FGF14: variants seen among roughly 807,000 people sequenced by gnomAD.
FGF14 encodes fibroblast growth factor homologous factor 4.
A neutral mutation model predicts 25.5 loss-of-function variants in FGF14; 5 were observed. The ratio of observed to expected loss-of-function variants is 0.20; its 90% CI spans 0.10 to 0.41. FGF14 has a LOEUF of 0.41. FGF14 is among the 10% of genes least tolerant of loss of function. The pLI is 1.00. For missense variants in FGF14, 222 were observed against 320.1 expected, an observed-to-expected ratio of 0.69 and a Z score of 2.34; for synonymous variants, 138 against 118.3, an observed-to-expected ratio of 1.17 and a Z score of -1.08.
chr13:102,313,249 G>A (rs1315822589), intron 1 of FGF14, among the ~76,000 whole-genome samples: 1 of 152,160 alleles, frequency 6.6e-6, no homozygotes, highest in African/African-American at 2.4e-5. Context: ...ACCCAATCCT[G>A]AGCCTGGAAG....
intron 1 of FGF14, among the ~76,000 whole-genome samples, chr13:102,043,669 A>G (rs2041847380): frequency 6.6e-6 from 1 of 152,182 alleles, no homozygotes; most frequent in Non-Finnish European, 1.5e-5. Context: ...GGTAAAAGCA[A>G]ATATCTGACC....
chr13:101,906,211 C>G (rs914991527), intron 1 of FGF14, among the ~76,000 whole-genome samples: 9 of 152,146 alleles, frequency 5.9e-5, no homozygotes, highest in Non-Finnish European at 8.8e-5. Flanking sequence ...GCATGAAATT[C>G]TCTTCATGAA....
intron 1 of FGF14, among the ~76,000 whole-genome samples, chr13:102,308,315 A>T (rs966414460): frequency 1.3e-5 from 2 of 152,220 alleles, no homozygotes; most frequent in African/African-American, 4.8e-5. Context: ...TTCAATCCTG[A>T]TTACAAAAGT....
At chr13:101,746,492 G>C (rs1452845883) in intron 3 of FGF14, among the ~76,000 whole-genome samples, 3 of 152,022 alleles carry the variant, frequency 2.0e-5, no homozygotes, top group Non-Finnish European at 1.5e-5. Flanking sequence ...TAGTACTCAT[G>C]CAATGTCGAA....
At position 102,396,267 on chromosome 13, in the gene FGF14, T is replaced by G. The variant is rs118042788; in HGVS notation, c.208+5204A>C. Among the ~76,000 whole-genome samples the G allele has an allele frequency of 7.9e-5, 12 of 152,286 alleles. No individual in the cohort carries two copies. In the East Asian group the frequency reaches 2.3e-3, roughly 29 times the overall value. On this transcript the variant is annotated intron_variant, in intron 1 of 4. Transcript: ENST00000376131. The stretch of plus-strand genomic sequence containing the variant: ...TAATACTGAGTTGGGCTCAAAGGTT[T>G]TATTAAAAATAGGCACAGTGCAATG...
At position 102,011,683 on chromosome 13, in the gene FGF14, A is replaced by G. The variant is rs567049070; in HGVS notation, c.209-136387T>C. ...ACTTTTGGAAGATGCTTTGCCATAC[A>G]GGGAGTGGCAGTCTTTAGAAGAGGG... On this transcript the variant is annotated intron_variant, in intron 1 of 4. Transcript: ENST00000376131. Among the ~76,000 whole-genome samples, 15 of 152,310 alleles carry G rather than the reference A, an allele frequency of 9.8e-5. 1 individual carries two copies. The highest frequency in any genetic ancestry group is 3.6e-4 in the African/African-American group (15 of 41,578).
At chr13:102,121,075 T>C (rs1397319291) in intron 1 of FGF14, among the ~76,000 whole-genome samples, 1 of 152,326 alleles carries the variant, frequency 6.6e-6, no homozygotes, top group East Asian at 1.9e-4. Context: ...CAGGCCAGAA[T>C]GATTTCAGGA....
intron 1 of FGF14, among the ~76,000 whole-genome samples, chr13:101,929,853 C>A (rs2139232128): frequency 1.3e-5 from 2 of 152,186 alleles, no homozygotes; most frequent in Non-Finnish European, 2.9e-5. Flanking sequence ...TTGCACTTTT[C>A]CCTGACTTTT....
intron 3 of FGF14, among the ~76,000 whole-genome samples, chr13:101,781,025 G>C (rs902663297): frequency 6.6e-6 from 1 of 151,906 alleles, no homozygotes; most frequent in Non-Finnish European, 1.5e-5. Flanking sequence ...TGATCCTCGC[G>C]CTTGCTACTC....
intron 1 of FGF14, among the ~76,000 whole-genome samples, chr13:102,380,234 A>AT (rs1193706373): frequency 3.3e-5 from 5 of 150,442 alleles, no homozygotes; most frequent in African/African-American, 1.2e-4. Context: ...TGGAACTGAC[A>AT]TACATGGAAC....
intron 3 of FGF14, among the ~76,000 whole-genome samples, chr13:101,845,156 A>G (rs1400956400): frequency 6.6e-6 from 1 of 152,084 alleles, no homozygotes. Context: ...TCGGTGAAGC[A>G]AAATTTCCTG....
chr13:102,165,593 C>T (rs889600769), intron 1 of FGF14, among the ~76,000 whole-genome samples: 1 of 140,176 alleles, frequency 7.1e-6, no homozygotes, highest in African/African-American at 2.7e-5. Flanking sequence ...CGAATTCTCA[C>T]TCATAGGTGG....
Position 102,400,736 on chromosome 13 carries a change from C to T in FGF14, c.208+735G>A, listed in dbSNP as rs1349720266. ...GCCTGGCTCATCCCCACCCCTGGCC[C>T]TGTGGGACCCCGACGCAGGGCTTTG... On this transcript the variant is annotated intron_variant, in intron 1 of 4. Coordinates refer to the FGF14 transcript ENST00000376131. This position sits in a 1 kb window ranked among gnomAD's most constrained non-coding sequence, Gnocchi z 4.3. 6.6e-6 allele frequency among the ~76,000 whole-genome samples: 1 copy of T among 152,212 alleles called. No homozygotes were observed. The highest frequency in any genetic ancestry group is 2.4e-5 in the African/African-American group (1 of 41,454).
chr13:102,206,933 C>T (rs953803256), intron 1 of FGF14, among the ~76,000 whole-genome samples: 1 of 152,036 alleles, frequency 6.6e-6, no homozygotes, highest in African/African-American at 2.4e-5. Context: ...CCACTGACTA[C>T]CTAAATGTCA....
chr13:102,399,841 G>A (rs1327234466), intron 1 of FGF14, among the ~76,000 whole-genome samples: 1 of 152,072 alleles, frequency 6.6e-6, no homozygotes, highest in Admixed American at 6.5e-5. Flanking sequence ...GCAGAGCCCA[G>A]AGCCCACTGC....
intron 3 of FGF14, among the ~76,000 whole-genome samples, chr13:101,814,732 C>T (rs1316028867): frequency 6.6e-6 from 1 of 152,156 alleles, no homozygotes; most frequent in Admixed American, 6.5e-5. Flanking sequence ...GGTAAACCTA[C>T]AGGGATCAGT....
chr13:102,136,874 C>A lies in FGF14; in HGVS notation c.209-261578G>T, dbSNP rs981290088. Among the ~76,000 whole-genome samples, 3 of 152,174 alleles carry A rather than the reference C, an allele frequency of 2.0e-5. No homozygotes were observed. The East Asian group carries it at 5.8e-4, about 29-fold the overall frequency. On this transcript the variant is annotated intron_variant, in intron 1 of 4. Transcript: ENST00000376131. Reference sequence around the variant, plus strand: ...AAGAAAACAATGATCCAGAGCTATGCCCTGCCTCTCTCCCATACTTGGCTA... The same window carrying A: ...AAGAAAACAATGATCCAGAGCTATGACCTGCCTCTCTCCCATACTTGGCTA...
chr13:102,072,395 G>A (rs948688101), intron 1 of FGF14, among the ~76,000 whole-genome samples: 1 of 151,856 alleles, frequency 6.6e-6, no homozygotes, highest in African/African-American at 2.4e-5. Context: ...AAGGATGGAG[G>A]GCAAAGTATC....
chr13:102,333,204 A>G (rs1450959909), intron 1 of FGF14, among the ~76,000 whole-genome samples: 1 of 152,220 alleles, frequency 6.6e-6, no homozygotes, highest in Non-Finnish European at 1.5e-5. Context: ...CATGCCAAAA[A>G]GTAAAACTTC....
Sources: allele counts gnomAD v4.1 joint callset (sites outside exome capture counted in the v4.1 genomes callset), GRCh38; gene constraint gnomAD v4.1.1; non-coding constraint Gnocchi (gnomAD v3.1); transcripts MANE v1.5; gene names NCBI Gene and HGNC (gene_info 2026-07-23, HGNC 2026-07-21).